Variants in MNAT1 observed in about 807,000 individuals in gnomAD.
The protein encoded by MNAT1 is MNAT1 component of CDK activating kinase, also known as CDK-activating kinase assembly factor MAT1.
Under a neutral mutation model 42.0 loss-of-function variants are expected in MNAT1, and 43 were observed. That is an observed-to-expected ratio of 1.02 (90% CI 0.80 to 1.32). MNAT1 has a LOEUF of 1.32. Ranked by LOEUF, MNAT1 falls within the 40% of genes most tolerant of loss-of-function variation. The pLI, the probability that MNAT1 is intolerant of heterozygous loss-of-function variation, is 0.00. For missense variants in MNAT1, 306 were observed against 350.4 expected, an observed-to-expected ratio of 0.87 and a Z score of 1.01; for synonymous variants, 118 against 120.0, an observed-to-expected ratio of 0.98 and a Z score of 0.11.
At chr14:60,886,737 T>A (rs1030192722) in intron 7 of MNAT1, among the ~76,000 whole-genome samples, 2 of 152,150 alleles carry the variant, frequency 1.3e-5, no homozygotes, top group Non-Finnish European at 2.9e-5. Context: ...CTTGCTACTT[T>A]ATTGAATTCA....
intron 1 of MNAT1, among the ~76,000 whole-genome samples, chr14:60,793,894 A>G (rs2031911391): frequency 6.6e-6 from 1 of 152,256 alleles, no homozygotes; most frequent in East Asian, 1.9e-4. Context: ...AGAAATGGAA[A>G]ATGTTACGTA....
rs74720382 is a variant in MNAT1, at chr14:60,795,595, A to G, written c.90-622A>G. Among the ~76,000 whole-genome samples the G allele has an allele frequency of 1.3e-3, 202 of 152,240 alleles. 1 individual carries two copies. The highest frequency in any genetic ancestry group is 4.8e-3 in the African/African-American group (198 of 41,540). On this transcript the variant is annotated intron_variant, in intron 1 of 7. Transcript: ENST00000261245. ...AACTTTAACCGAATAAAGCTTTTAT[A>G]AGCAGCCACTCTTTCTGGGATTTCT...
chr14:60,756,291 A>G (rs2030347041), intron 1 of MNAT1, among the ~76,000 whole-genome samples: 1 of 152,224 alleles, frequency 6.6e-6, no homozygotes, highest in Non-Finnish European at 1.5e-5. Context: ...ACAGAGTTAT[A>G]TTGAAAAAAG....
chr14:60,761,738 A>G (rs559949438), intron 1 of MNAT1, among the ~76,000 whole-genome samples: 4 of 152,310 alleles, frequency 2.6e-5, no homozygotes, highest in African/African-American at 9.6e-5. Flanking sequence ...TGTGCCAAAC[A>G]TATTCATAGT....
intron 7 of MNAT1, among the ~76,000 whole-genome samples, chr14:60,880,817 C>T (rs2034534151): frequency 6.6e-6 from 1 of 152,122 alleles, no homozygotes; most frequent in Non-Finnish European, 1.5e-5. Flanking sequence ...AGTCCTACAG[C>T]CTGCAAGCAT....
At chr14:60,906,691 T>C (rs901561625) in intron 7 of MNAT1, among the ~76,000 whole-genome samples, 13 of 152,182 alleles carry the variant, frequency 8.5e-5, no homozygotes, top group African/African-American at 2.9e-4. Flanking sequence ...GTGTTGTTTA[T>C]AGAGATTTTT....
At chr14:60,922,362 A>C (rs956746166) in intron 7 of MNAT1, among the ~76,000 whole-genome samples, 1 of 152,168 alleles carries the variant, frequency 6.6e-6, no homozygotes, top group Non-Finnish European at 1.5e-5. Flanking sequence ...AGTGTTTTTA[A>C]AAAAGAATTG....
At chr14:60,954,570 A>G (rs1229740044) in intron 7 of MNAT1, among the ~76,000 whole-genome samples, 2 of 152,162 alleles carry the variant, frequency 1.3e-5, no homozygotes, top group Non-Finnish European at 2.9e-5. Flanking sequence ...TGGAGGTGCT[A>G]CTAATTTCTG....
intron 1 of MNAT1, among the ~76,000 whole-genome samples, chr14:60,755,999 T>C (rs1244586284): frequency 6.6e-6 from 1 of 152,198 alleles, no homozygotes; most frequent in African/African-American, 2.4e-5. Flanking sequence ...TATAAGTGAA[T>C]TTGTGTAAGT....
At chr14:60,782,848 AAAT>A (rs2031511393) in intron 1 of MNAT1, among the ~76,000 whole-genome samples, 1 of 152,212 alleles carries the variant, frequency 6.6e-6, no homozygotes, top group Non-Finnish European at 1.5e-5. Context: ...GTTGCTCAAT[AAAT>A]AATTGCTCAG....
chr14:60,808,330 A>G lies in MNAT1; in HGVS notation c.322A>G (p.Asn108Asp). The change falls in exon 4 of 8, where the codon AAC (asparagine) becomes GAC (aspartate). Residue 108 changes from asparagine to aspartate, a missense_variant. Transcript: ENST00000261245. ...FLEEVEEIVF[N>D]LTNNVDLDNT... Reference sequence around the variant, plus strand: ...TCGTTTCCTTTCTAATGCAGTTTTCAACTTGACCAACAATGTGGATTTGGA... The same window carrying G: ...TCGTTTCCTTTCTAATGCAGTTTTCGACTTGACCAACAATGTGGATTTGGA... The G allele has an allele frequency of 6.4e-7, 1 of 1,563,908 alleles. No homozygotes were observed. The highest frequency in any genetic ancestry group is 8.6e-7 in the Non-Finnish European group (1 of 1,161,576).
In MNAT1 at chr14:60,796,375, T is replaced by C; in HGVS notation, c.242+6T>C. 6.2e-7 allele frequency: 1 copy of C among 1,607,424 alleles called. No individual in the cohort carries two copies. Among genetic ancestry groups the C allele is most frequent in the Non-Finnish European group, 8.5e-7 (1 of 1,176,834 alleles). On this transcript the variant is annotated splice_donor_region_variant and intron_variant, in intron 2 of 7. Coordinates refer to ENST00000261245, the MANE Select transcript of MNAT1 (RefSeq NM_002431.4). Reference sequence around the variant, plus strand: ...AGGAAAAAAGTGCTAAAGATGTAAGTATTCCTGCTCGAATGATTCAGTCAA... The same window carrying C: ...AGGAAAAAAGTGCTAAAGATGTAAGCATTCCTGCTCGAATGATTCAGTCAA...
At chr14:60,806,933 T>C (rs1214124986) in intron 3 of MNAT1, among the ~76,000 whole-genome samples, 1 of 152,206 alleles carries the variant, frequency 6.6e-6, no homozygotes, top group Non-Finnish European at 1.5e-5. Flanking sequence ...CTGTTTTGTG[T>C]CAGGACTAGA....
At chr14:60,813,498 A>C (rs187622867) in intron 5 of MNAT1, among the ~76,000 whole-genome samples, 2 of 152,170 alleles carry the variant, frequency 1.3e-5, no homozygotes, top group African/African-American at 4.8e-5. Context: ...AAGAATAAGG[A>C]GGTAGAAGAT....
chr14:60,747,536 C>T (rs2029887276), intron 1 of MNAT1, among the ~76,000 whole-genome samples: 2 of 151,906 alleles, frequency 1.3e-5, no homozygotes, highest in Non-Finnish European at 1.5e-5. Context: ...AGAAAAGTTA[C>T]AGTAAAAAAG....
chr14:60,900,008 T>C (rs1416185027), intron 7 of MNAT1, among the ~76,000 whole-genome samples: 2 of 151,994 alleles, frequency 1.3e-5, no homozygotes, highest in Non-Finnish European at 2.9e-5. Flanking sequence ...AGTTAATAAA[T>C]GTGTGTGTTC....
intron 1 of MNAT1, among the ~76,000 whole-genome samples, chr14:60,767,428 G>T (rs2030872088): frequency 6.6e-6 from 1 of 152,102 alleles, no homozygotes; most frequent in Non-Finnish European, 1.5e-5. Flanking sequence ...CTTGTGGGGA[G>T]AATTGAGGCC....
chr14:60,868,633 G>A (rs907062913), intron 6 of MNAT1, among the ~76,000 whole-genome samples: 40 of 152,200 alleles, frequency 2.6e-4, no homozygotes, highest in African/African-American at 8.9e-4. Context: ...GGCTTGATCT[G>A]TTTTGTTTCC....
At chr14:60,926,438 T>C (rs2035765870) in intron 7 of MNAT1, among the ~76,000 whole-genome samples, 1 of 152,230 alleles carries the variant, frequency 6.6e-6, no homozygotes, top group South Asian at 2.1e-4. Flanking sequence ...TTCTTACCTA[T>C]ACTTCCGACC....
Sources: gnomAD v4.1 joint callset for allele counts (sites outside exome capture counted in the v4.1 genomes callset) on GRCh38, gnomAD v4.1.1 for gene constraint, MANE v1.5 for transcripts, NCBI Gene and HGNC (gene_info 2026-07-23, HGNC 2026-07-21) for gene names.